Variants in DNAH14 observed in about 807,000 individuals in gnomAD.
DNAH14 encodes axonemal beta dynein heavy chain 14.
DNAH14 carries 478 observed loss-of-function variants against 520.9 expected under a neutral mutation model. The observed-to-expected ratio is 0.92, with a 90% CI of 0.85 to 0.99. The LOEUF is 0.99. Among genes scored for constraint, DNAH14 ranks in the 50% least tolerant of loss-of-function variants. The pLI is 0.00. For missense variants in DNAH14, 4,831 were observed against 5,234.5 expected (o/e 0.92, Z 2.38); for synonymous variants, 1,581 against 1,757.2 (o/e 0.90, Z 2.51).
intron 60 of DNAH14, among the ~76,000 whole-genome samples, chr1:225,317,415 C>A (rs561075698): frequency 6.6e-6 from 1 of 151,938 alleles, no homozygotes; most frequent in East Asian, 1.9e-4. Flanking sequence ...ACCTTTATTT[C>A]ATATTTCACG....
chr1:224,967,490 C>A lies in DNAH14; in HGVS notation c.558C>A (p.Ser186=). The change falls in exon 6 of 86, where the codon TCC becomes TCA. Residue 186 remains serine (S), a synonymous_variant. Transcript: ENST00000682510. ...GCCTTCCTCGGAAAAGTCCTAAATC[C>A]CTTTACAATCCATATGATCTTCAGG... The part of the protein sequence containing the change: ...VYCLPRKSPK[S]LYNPYDLQVV... 6.3e-7 allele frequency: 1 copy of A among 1,596,042 alleles called. No individual in the cohort carries two copies. The highest frequency in any genetic ancestry group is 1.4e-5 in the African/African-American group (1 of 73,904).
chr1:225,224,551 T>C (rs2090357547), intron 41 of DNAH14, among the ~76,000 whole-genome samples: 1 of 152,114 alleles, frequency 6.6e-6, no homozygotes, highest in Non-Finnish European at 1.5e-5. Context: ...ATTCAAAGCA[T>C]ATTGCCCCTA....
intron 36 of DNAH14, among the ~76,000 whole-genome samples, chr1:225,179,919 A>T (rs1218950318): frequency 6.6e-6 from 1 of 151,296 alleles, no homozygotes; most frequent in African/African-American, 2.4e-5. Context: ...TTCTGTCAGG[A>T]CTTCAAATAT....
chr1:224,944,537 G>T lies in DNAH14; in HGVS notation c.-33-8133G>T, dbSNP rs146269778. 3.9e-3 allele frequency among the ~76,000 whole-genome samples: 588 copies of T among 152,264 alleles called. 5 individuals are homozygous for T. Among genetic ancestry groups the T allele is most frequent in the African/African-American group, 0.013 (556 of 41,558 alleles). On this transcript the variant is annotated intron_variant, in intron 1 of 85. Transcript: ENST00000682510. ...GTGTGAATTTTGATCCTGTCATTAT[G>T]ATGTTAGCTGTTTATTTTGCTCGTT...
At chr1:225,174,621 A>G (rs1268089265) in intron 36 of DNAH14, among the ~76,000 whole-genome samples, 1 of 152,226 alleles carries the variant, frequency 6.6e-6, no homozygotes, top group Non-Finnish European at 1.5e-5. Context: ...ATCTGCAAAC[A>G]GGACAGCTTA....
At chr1:225,338,589 A>T (rs1447721042) in intron 68 of DNAH14, among the ~76,000 whole-genome samples, 1 of 152,130 alleles carries the variant, frequency 6.6e-6, no homozygotes, top group Non-Finnish European at 1.5e-5. Context: ...GCAAAAAGAG[A>T]TTTTTGCCTA....
At chr1:225,335,322 C>G (rs536746135) in intron 66 of DNAH14, among the ~76,000 whole-genome samples, 1,401 of 112,598 alleles carry the variant, frequency 0.012, 206 homozygotes, top group East Asian at 0.033. Context: ...TGTATATGCA[C>G]ATATACACGT....
chr1:225,067,077 G>C (rs558139940), intron 17 of DNAH14, among the ~76,000 whole-genome samples: 1 of 152,142 alleles, frequency 6.6e-6, no homozygotes, highest in African/African-American at 2.4e-5. Flanking sequence ...TCATCAGCCA[G>C]GTATTAATCC....
intron 8 of DNAH14, among the ~76,000 whole-genome samples, chr1:224,992,123 G>A (rs2489331): frequency 0.096 from 14,575 of 151,810 alleles, 2,260 homozygotes; most frequent in African/African-American, 0.33. Context: ...GGCCAATATC[G>A]TGCTGTTTTA....
At chr1:225,208,578 A>G (rs2087911544) in intron 41 of DNAH14, among the ~76,000 whole-genome samples, 1 of 152,190 alleles carries the variant, frequency 6.6e-6, no homozygotes, top group South Asian at 2.1e-4. Context: ...GAACCTCCAG[A>G]AAGATATAGT....
At chr1:225,197,273 C>T (rs1274194554) in intron 38 of DNAH14, among the ~76,000 whole-genome samples, 1 of 152,112 alleles carries the variant, frequency 6.6e-6, no homozygotes, top group African/African-American at 2.4e-5. Context: ...TGCCAATTAT[C>T]CCAGCACCAT....
chr1:225,358,631 C>T lies in DNAH14; in HGVS notation c.11755C>T (p.Leu3919=), dbSNP rs2150530299. ...AYKGSNARTP[L]ILIQTHGIDL... ...TAAAGGATCCAATGCCAGAACTCCG[C>T]TGATACTTATTCAAACTCATGGTAA... is the stretch of plus-strand genomic sequence containing the variant. Residue 3919 remains leucine (L), a synonymous_variant, in exon 74 of 86, where the codon CTG becomes TTG. Coordinates refer to ENST00000682510, the MANE Select transcript of DNAH14 (RefSeq NM_001367479.1). The T allele has an allele frequency of 1.3e-6, 2 of 1,548,262 alleles. No homozygotes were observed. Among genetic ancestry groups the T allele is most frequent in the Non-Finnish European group, 8.7e-7 (1 of 1,145,976 alleles).
Position 225,398,608 on chromosome 1 carries a change from A to C in DNAH14, c.13580A>C (p.Asp4527Ala). The C allele has an allele frequency of 6.4e-7, 1 of 1,551,618 alleles. No homozygotes were observed. The highest frequency in any genetic ancestry group is 8.7e-7 in the Non-Finnish European group (1 of 1,146,976). The change falls in exon 85 of 86, where the codon GAC becomes GCC. Residue 4527 changes from aspartate (D) to alanine (A), a missense_variant. Asp to Ala is a moderately radical substitution (Grantham distance 126). Transcript: ENST00000682510. ...AATCGTGAACAGAAAATACTGGAAG[A>C]CTCGCTGCCTCTGGAGATGTGCTGT... The part of the protein sequence containing the change: ...RWNREQKILE[D>A]SLPLEMCCDF...
intron 84 of DNAH14, 62 bp downstream of exon 84, chr1:225,392,513 T>C (rs926038500): frequency 4.2e-5 from 64 of 1,534,138 alleles, no homozygotes; most frequent in Non-Finnish European, 5.0e-5. Context: ...ATTCATTCAA[T>C]CAATTGTGCC....
chr1:225,089,311 G>A (rs1410532843), intron 21 of DNAH14, among the ~76,000 whole-genome samples: 1 of 151,874 alleles, frequency 6.6e-6, no homozygotes, highest in Non-Finnish European at 1.5e-5. Context: ...GGGTGTGGTG[G>A]CAGGTGCCTG....
chr1:225,279,689 G>A (rs981950668), intron 54 of DNAH14, among the ~76,000 whole-genome samples: 22 of 152,122 alleles, frequency 1.4e-4, no homozygotes, highest in African/African-American at 4.8e-4. Context: ...TCAATTTAAG[G>A]CATTGGTTTA....
At chr1:225,102,802 A>C (rs984827362) in intron 23 of DNAH14, among the ~76,000 whole-genome samples, 1 of 152,254 alleles carries the variant, frequency 6.6e-6, no homozygotes, top group East Asian at 1.9e-4. Flanking sequence ...CCTTTGTTAG[A>C]TGAGTAGATT....
At chr1:225,027,737 A>G (rs1345478853) in intron 11 of DNAH14, among the ~76,000 whole-genome samples, 1 of 152,122 alleles carries the variant, frequency 6.6e-6, no homozygotes, top group Non-Finnish European at 1.5e-5. Context: ...ACCTTCCACC[A>G]GACCCCTCCT....
At chr1:225,245,067 C>CA (rs1377134545) in intron 43 of DNAH14, among the ~76,000 whole-genome samples, 3 of 152,214 alleles carry the variant, frequency 2.0e-5, no homozygotes, top group South Asian at 2.1e-4. Context: ...TCATTGGTTT[C>CA]AAAAAATTTA....
Sources: gnomAD v4.1 joint callset for allele counts (sites outside exome capture counted in the v4.1 genomes callset) on GRCh38, gnomAD v4.1.1 for gene constraint, MANE v1.5 for transcripts, NCBI Gene and HGNC (gene_info 2026-07-23, HGNC 2026-07-21) for gene names.